The following RGS7 variants were observed in gnomAD, a reference collection of about 807,000 sequenced individuals.
The protein encoded by RGS7 is regulator of G-protein signaling 7.
A neutral mutation model predicts 81.1 loss-of-function variants in RGS7; 27 were observed. The ratio of observed to expected loss-of-function variants is 0.33; its 90% CI spans 0.25 to 0.46. The LOEUF (loss-of-function observed/expected upper bound fraction) is 0.46, where lower values mean the gene tolerates loss of function less well. Ranked by LOEUF, RGS7 falls within the 20% of genes least tolerant of loss-of-function variation. The pLI is 1.00. For missense variants in RGS7, 396 were observed against 607.4 expected, an observed-to-expected ratio of 0.65 and a Z score of 3.66; for synonymous variants, 208 against 207.7, an observed-to-expected ratio of 1.00 and a Z score of -0.01.
intron 3 of RGS7, among the ~76,000 whole-genome samples, chr1:241,027,843 G>C (rs1331723834): frequency 6.6e-6 from 1 of 152,176 alleles, no homozygotes; most frequent in East Asian, 1.9e-4. Context: ...GAAATGTCTA[G>C]TGTGTAGGAG....
chr1:240,776,025 T>C lies in RGS7; in HGVS notation c.*195A>G, dbSNP rs1197536055. 3 of 742,418 alleles carry C rather than the reference T, an allele frequency of 4.0e-6. No individual in the cohort carries two copies. Among genetic ancestry groups the C allele is most frequent in the African/African-American group, 1.7e-5 (1 of 58,020 alleles). The allele number at this position is 742,418 out of a possible 1,614,324, so 46.0% of individuals were successfully genotyped here. On this transcript the variant is annotated 3_prime_UTR_variant, in exon 19 of 19. Coordinates refer to ENST00000440928, the MANE Select transcript of RGS7 (RefSeq NM_001364886.1). ...ACGGAAGAGTCCATTGGAGATGGAA[T>C]GTACACACAAAAATAACAATTTAGG...
intron 2 of RGS7, among the ~76,000 whole-genome samples, chr1:241,188,751 G>A (rs1243139504): frequency 6.6e-6 from 1 of 152,132 alleles, no homozygotes; most frequent in African/African-American, 2.4e-5. Context: ...TGTGACCTTA[G>A]GTAGTAAATT....
At chr1:241,223,316 G>C (rs2075122065) in intron 2 of RGS7, among the ~76,000 whole-genome samples, 1 of 152,162 alleles carries the variant, frequency 6.6e-6, no homozygotes, top group Non-Finnish European at 1.5e-5. Context: ...AGGCCATGTG[G>C]ATGTCCCTGG....
intron 3 of RGS7, among the ~76,000 whole-genome samples, chr1:241,022,204 C>A (rs534227612): frequency 1.3e-5 from 2 of 152,296 alleles, no homozygotes; most frequent in East Asian, 3.9e-4. Context: ...AAAATTATAA[C>A]TGATAAAATT....
At chr1:241,140,130 G>A (rs901401743) in intron 2 of RGS7, among the ~76,000 whole-genome samples, 7 of 152,158 alleles carry the variant, frequency 4.6e-5, no homozygotes, top group East Asian at 1.9e-4. Context: ...GTCTGGCTTC[G>A]GATGGAGACA....
chr1:240,858,826 C>T (rs1430250111), intron 9 of RGS7, among the ~76,000 whole-genome samples: 1 of 152,070 alleles, frequency 6.6e-6, no homozygotes, highest in Non-Finnish European at 1.5e-5. Context: ...TCTTGAATAC[C>T]TGGAATAATT....
At chr1:240,803,455 T>C (rs1688323859) in intron 15 of RGS7, among the ~76,000 whole-genome samples, 1 of 152,156 alleles carries the variant, frequency 6.6e-6, no homozygotes, top group Non-Finnish European at 1.5e-5. Flanking sequence ...ATCATCTCTT[T>C]GGTACAAATT....
intron 3 of RGS7, among the ~76,000 whole-genome samples, chr1:241,055,592 G>A (rs1160391367): frequency 6.6e-6 from 1 of 152,158 alleles, no homozygotes; most frequent in Non-Finnish European, 1.5e-5. Context: ...CATAGGGTGA[G>A]ACAGGCAGGA....
chr1:241,189,927 C>G (rs1012132711), intron 2 of RGS7, among the ~76,000 whole-genome samples: 1 of 151,538 alleles, frequency 6.6e-6, no homozygotes, highest in Non-Finnish European at 1.5e-5. Context: ...CACGGTGAAA[C>G]CCCGTCTCTA....
At chr1:241,192,170 G>A (rs910569633) in intron 2 of RGS7, among the ~76,000 whole-genome samples, 1 of 116,764 alleles carries the variant, frequency 8.6e-6, no homozygotes, top group African/African-American at 2.9e-5. Flanking sequence ...GTGTGTGTGT[G>A]TGTGTGTGTG....
intron 4 of RGS7, among the ~76,000 whole-genome samples, chr1:240,960,068 G>T (rs1186176707): frequency 8.6e-5 from 13 of 151,694 alleles, no homozygotes; most frequent in South Asian, 6.3e-4. Flanking sequence ...GCTGTGGCTT[G>T]AGCCTGGGAG....
At position 241,033,764 on chromosome 1, in the gene RGS7, T is replaced by C. The variant is rs1300686995; in HGVS notation, c.176-50635A>G. Among the ~76,000 whole-genome samples the C allele has an allele frequency of 2.6e-5, 4 of 152,182 alleles. No homozygotes were observed. The South Asian group carries it at 6.2e-4, about 24-fold the overall frequency. The stretch of plus-strand genomic sequence containing the variant: ...TATTTGTTCACAATATCCAAACCTT[T>C]GGGAATCCTTAATCTAGAGCACATT... On this transcript the variant is annotated intron_variant, in intron 3 of 18. Transcript: ENST00000440928.
At chr1:240,944,151 T>A (rs1572892539) in intron 4 of RGS7, among the ~76,000 whole-genome samples, 1 of 151,118 alleles carries the variant, frequency 6.6e-6, no homozygotes, top group African/African-American at 2.4e-5. Context: ...TGTGAATAAC[T>A]GGTTTCAGAT....
chr1:241,141,293 A>G (rs1397014207), intron 2 of RGS7, among the ~76,000 whole-genome samples: 1 of 152,190 alleles, frequency 6.6e-6, no homozygotes, highest in Non-Finnish European at 1.5e-5. Flanking sequence ...GAGGCAGTTC[A>G]AATCTGCCTA....
At chr1:240,821,610 C>T (rs1691825971) in intron 10 of RGS7, among the ~76,000 whole-genome samples, 1 of 152,146 alleles carries the variant, frequency 6.6e-6, no homozygotes, top group Admixed American at 6.5e-5. Flanking sequence ...TGTACACATG[C>T]TGTATATGGA....
chr1:241,206,230 CTTT>C (rs35296035), intron 2 of RGS7, among the ~76,000 whole-genome samples: 7 of 135,980 alleles, frequency 5.1e-5, no homozygotes, highest in Admixed American at 7.4e-5. Context: ...AAAGAATGAA[CTTT>C]TTTTTTTTTT....
At chr1:241,253,722 T>C (rs56725227) in intron 2 of RGS7, among the ~76,000 whole-genome samples, 1 of 152,178 alleles carries the variant, frequency 6.6e-6, no homozygotes, top group Non-Finnish European at 1.5e-5. Flanking sequence ...GAGAACAATG[T>C]TGAAAAGTTC....
intron 2 of RGS7, among the ~76,000 whole-genome samples, chr1:241,114,220 A>G (rs2065730450): frequency 6.6e-6 from 1 of 152,124 alleles, no homozygotes; most frequent in Non-Finnish European, 1.5e-5. Context: ...CTCTGCCTAT[A>G]ACTCTGGACA....
intron 9 of RGS7, among the ~76,000 whole-genome samples, chr1:240,842,279 A>G (rs1414930349): frequency 7.2e-6 from 1 of 138,590 alleles, no homozygotes; most frequent in Non-Finnish European, 1.5e-5. Context: ...GCTCACTGCA[A>G]CCCCCGCCTC....
Sources: allele counts gnomAD v4.1 joint callset (sites outside exome capture counted in the v4.1 genomes callset), GRCh38; gene constraint gnomAD v4.1.1; transcripts MANE v1.5; gene names NCBI Gene and HGNC (gene_info 2026-07-23, HGNC 2026-07-21).